Variants in HTR4 observed in about 807,000 individuals in gnomAD.
HTR4 encodes 5-hydroxytryptamine receptor 4.
HTR4 carries 16 observed loss-of-function variants against 36.8 expected under a neutral mutation model. The observed-to-expected ratio is 0.43, with a 90% CI of 0.29 to 0.66. HTR4 has a LOEUF of 0.66. Among genes scored for constraint, HTR4 ranks in the 30% least tolerant of loss-of-function variants. HTR4 has a pLI of 0.13. For synonymous variants in HTR4, 189 were observed against 185.1 expected, an observed-to-expected ratio of 1.02 and a Z score of -0.17; for missense variants, 438 against 490.9, an observed-to-expected ratio of 0.89 and a Z score of 1.02.
chr5:148,589,777 A>G (rs1434027402), intron 2 of HTR4, among the ~76,000 whole-genome samples: 2 of 152,050 alleles, frequency 1.3e-5, no homozygotes, highest in African/African-American at 4.8e-5. Flanking sequence ...ATATTTTAAT[A>G]TACATACACA....
chr5:148,651,967 T>G (rs1281922870), intron 1 of HTR4, among the ~76,000 whole-genome samples: 2 of 152,238 alleles, frequency 1.3e-5, no homozygotes, highest in East Asian at 3.9e-4. Context: ...ATTCATCACA[T>G]TTCACAGGTG....
At chr5:148,609,928 T>A (rs1009536164) in intron 2 of HTR4, among the ~76,000 whole-genome samples, 6 of 138,546 alleles carry the variant, frequency 4.3e-5, no homozygotes, top group Admixed American at 2.9e-4. Context: ...TAAATATTAA[T>A]CTTAGAAACT....
intron 5 of HTR4, among the ~76,000 whole-genome samples, chr5:148,470,470 G>T (rs780540257): frequency 6.6e-5 from 10 of 152,210 alleles, no homozygotes; most frequent in Admixed American, 1.3e-4. Flanking sequence ...AACTTTTTCT[G>T]TGAAGGGCTA....
intron 6 of HTR4, chr5:148,484,342 A>T: frequency 6.2e-7 from 1 of 1,613,234 alleles, no homozygotes; most frequent in Non-Finnish European, 8.5e-7. Flanking sequence ...TTTGTCCAAT[A>T]CCTTGCTAAA....
At chr5:148,600,525 G>A (rs1468002341) in intron 2 of HTR4, among the ~76,000 whole-genome samples, 1 of 150,996 alleles carries the variant, frequency 6.6e-6, no homozygotes, top group Non-Finnish European at 1.5e-5. Context: ...ACAAAGTAAA[G>A]TTTCAAAATA....
At chr5:148,616,091 A>T (rs548929482) in intron 2 of HTR4, among the ~76,000 whole-genome samples, 2 of 152,336 alleles carry the variant, frequency 1.3e-5, no homozygotes, top group South Asian at 4.1e-4. Flanking sequence ...TATTAGCTCA[A>T]TGAATGGATT....
chr5:148,622,015 C>T (rs180908596), intron 2 of HTR4, among the ~76,000 whole-genome samples: 121 of 152,198 alleles, frequency 8.0e-4, no homozygotes, highest in African/African-American at 2.7e-3. Context: ...TGCCAATTTG[C>T]ATTCCAGCTT....
chr5:148,640,948 A>G (rs1307603895), intron 1 of HTR4, among the ~76,000 whole-genome samples: 1 of 152,206 alleles, frequency 6.6e-6, no homozygotes, highest in African/African-American at 2.4e-5. Context: ...GCCTTTCAAC[A>G]AACCAGTGAG....
chr5:148,538,495 G>C (rs1166572070), intron 4 of HTR4, among the ~76,000 whole-genome samples: 2 of 152,020 alleles, frequency 1.3e-5, no homozygotes, highest in Admixed American at 6.6e-5. Context: ...TGCCCCAAAA[G>C]CTCCTTCAGC....
intron 1 of HTR4, among the ~76,000 whole-genome samples, chr5:148,644,498 T>A (rs1753823993): frequency 7.4e-6 from 1 of 134,860 alleles, no homozygotes; most frequent in Admixed American, 8.6e-5. Flanking sequence ...AAGAAGCAGA[T>A]CTCATGATAA....
At chr5:148,500,767 C>T (rs1756900913) in intron 6 of HTR4, among the ~76,000 whole-genome samples, 1 of 152,032 alleles carries the variant, frequency 6.6e-6, no homozygotes. Context: ...GAGGTTCAAT[C>T]TGACAAACCG....
At chr5:148,505,998 T>A (rs1357554312) in intron 6 of HTR4, among the ~76,000 whole-genome samples, 2 of 152,162 alleles carry the variant, frequency 1.3e-5, no homozygotes, top group Non-Finnish European at 2.9e-5. Flanking sequence ...ACCAATGACT[T>A]TCTCCAGAGA....
Position 148,532,789 on chromosome 5 carries a change from C to T in HTR4, c.354-9443G>A, listed in dbSNP as rs564675581. ...AAGCCTAAAAAGGCTGACTGGGGCACGTCTCAGAGCAGTGGTTCTCAAATT... is the reference window on the plus strand; with the variant it reads ...AAGCCTAAAAAGGCTGACTGGGGCATGTCTCAGAGCAGTGGTTCTCAAATT... On this transcript the variant is annotated intron_variant, in intron 4 of 6. Transcript: ENST00000377888. Among the ~76,000 whole-genome samples the T allele has an allele frequency of 2.2e-4, 34 of 152,300 alleles. No homozygotes were observed. In the East Asian group the frequency reaches 3.1e-3, roughly 14 times the overall value.
At chr5:148,521,276 C>A (rs569038619) in intron 5 of HTR4, among the ~76,000 whole-genome samples, 1 of 152,288 alleles carries the variant, frequency 6.6e-6, no homozygotes, top group East Asian at 1.9e-4. Context: ...CTTGACCAGG[C>A]ATGGGGTACC....
intron 2 of HTR4, among the ~76,000 whole-genome samples, chr5:148,579,416 TTA>T (rs1288200686): frequency 6.6e-6 from 1 of 152,058 alleles, no homozygotes; most frequent in African/African-American, 2.4e-5. Flanking sequence ...AACAAAAATT[TTA>T]GAGTCAGCCA....
intron 5 of HTR4, among the ~76,000 whole-genome samples, chr5:148,519,815 A>G (rs1435609156): frequency 6.6e-6 from 1 of 152,038 alleles, no homozygotes; most frequent in Non-Finnish European, 1.5e-5. Flanking sequence ...GTGCTTTTTG[A>G]TGGTGATTTC....
chr5:148,451,056 C>T, exon 6 of HTR4: 1 of 1,508,728 alleles, frequency 6.6e-7, no homozygotes, highest in Non-Finnish European at 9.0e-7. Context: ...CATGTACCTC[C>T]TCTGGGCTCT....
At chr5:148,608,463 A>C (rs1299977172) in intron 2 of HTR4, among the ~76,000 whole-genome samples, 1 of 152,214 alleles carries the variant, frequency 6.6e-6, no homozygotes, top group Non-Finnish European at 1.5e-5. Flanking sequence ...CAGTAGCAAG[A>C]GAATGCCATT....
intron 2 of HTR4, among the ~76,000 whole-genome samples, chr5:148,565,174 A>C (rs1300575781): frequency 1.3e-5 from 2 of 152,008 alleles, no homozygotes; most frequent in East Asian, 3.9e-4. Flanking sequence ...TTTGGCATGT[A>C]GTGTCTGTTA....
Sources: allele counts gnomAD v4.1 joint callset (sites outside exome capture counted in the v4.1 genomes callset), GRCh38; gene constraint gnomAD v4.1.1; transcripts MANE v1.5; gene names NCBI Gene and HGNC (gene_info 2026-07-23, HGNC 2026-07-21).